COL21A1: variants seen among roughly 807,000 people sequenced by gnomAD.
COL21A1 encodes the protein collagen alpha-1(XXI) chain.
Under a neutral mutation model 137.9 loss-of-function variants are expected in COL21A1, and 149 were observed. The ratio of observed to expected loss-of-function variants is 1.08; its 90% CI spans 0.95 to 1.24. COL21A1 has a LOEUF of 1.24. COL21A1 is among the 50% of genes most tolerant of loss of function. The pLI is 0.00. For missense variants in COL21A1, 1,167 were observed against 1,158.4 expected (o/e 1.01, Z -0.11); for synonymous variants, 456 against 391.5 (o/e 1.16, Z -1.95).
intron 1 of COL21A1, among the ~76,000 whole-genome samples, chr6:56,336,982 A>G (rs1203044512): frequency 1.3e-5 from 2 of 152,194 alleles, no homozygotes; most frequent in African/African-American, 2.4e-5. Flanking sequence ...TCACATTTAA[A>G]TGTCCACAAA....
intron 1 of COL21A1, among the ~76,000 whole-genome samples, chr6:56,288,410 C>A (rs560127455): frequency 6.6e-6 from 1 of 151,860 alleles, no homozygotes; most frequent in African/African-American, 2.4e-5. Context: ...ACAATTATAG[C>A]GAAATCATAA....
At chr6:56,073,943 T>C (rs866166917) in intron 20 of COL21A1, among the ~76,000 whole-genome samples, 1 of 151,124 alleles carries the variant, frequency 6.6e-6, no homozygotes, top group Non-Finnish European at 1.5e-5. Context: ...CACTGAGCTC[T>C]ATAGAGCTCT....
At chr6:56,134,027 G>GTCCC (rs1384841655) in intron 12 of COL21A1, among the ~76,000 whole-genome samples, 1 of 152,202 alleles carries the variant, frequency 6.6e-6, no homozygotes, top group African/African-American at 2.4e-5. Flanking sequence ...CCCTACTGGG[G>GTCCC]TACTGCCTAG....
intron 1 of COL21A1, among the ~76,000 whole-genome samples, chr6:56,347,635 G>A (rs1543350): frequency 0.7 from 107,017 of 151,874 alleles, 38,062 homozygotes; most frequent in East Asian, 0.93. Context: ...AGCCTCCCCA[G>A]GTAATTCTGA....
chr6:56,314,206 A>G (rs964430442), intron 1 of COL21A1, among the ~76,000 whole-genome samples: 2 of 152,096 alleles, frequency 1.3e-5, no homozygotes, highest in Non-Finnish European at 2.9e-5. Context: ...GATGATCTCC[A>G]TCTCCTGAGC....
In COL21A1 at chr6:56,060,897, C is replaced by T; in HGVS notation, c.2346G>A (p.Gly782=). 1 of 1,577,574 alleles carries T rather than the reference C, an allele frequency of 6.3e-7. No homozygotes were observed. The highest frequency in any genetic ancestry group is 8.6e-7 in the Non-Finnish European group (1 of 1,167,762). The change falls in exon 26 of 30, where the codon GGG becomes GGA. Residue 782 remains glycine, a synonymous_variant. Coordinates refer to ENST00000244728, the MANE Select transcript of COL21A1 (RefSeq NM_030820.4). The part of the protein sequence containing the change: ...PGPQGPPGLD[G]KPGREFSEQF... ...AAAGAAGCAGAATACATACGGGCTTCCCATCCAAACCTGGGGGTCCCTGAG... is the reference window on the plus strand; with the variant it reads ...AAAGAAGCAGAATACATACGGGCTTTCCATCCAAACCTGGGGGTCCCTGAG...
At chr6:56,297,747 A>G (rs2152336680) in intron 1 of COL21A1, among the ~76,000 whole-genome samples, 1 of 152,238 alleles carries the variant, frequency 6.6e-6, no homozygotes, top group African/African-American at 2.4e-5. Context: ...TACACAATGA[A>G]GTTATGGTTC....
At chr6:56,339,386 C>G (rs1429135437) in intron 1 of COL21A1, among the ~76,000 whole-genome samples, 3 of 152,132 alleles carry the variant, frequency 2.0e-5, no homozygotes, top group African/African-American at 7.2e-5. Flanking sequence ...AGTAGTACTA[C>G]CCTTATTATT....
chr6:56,157,895 A>G (rs1477132302), intron 9 of COL21A1, among the ~76,000 whole-genome samples: 1 of 152,154 alleles, frequency 6.6e-6, no homozygotes, highest in Non-Finnish European at 1.5e-5. Context: ...TTAAATGAAG[A>G]AAAAAAACTT....
In COL21A1 at chr6:56,144,994, C is replaced by G. The variant is rs540142890; in HGVS notation, c.1435-3011G>C. Among the ~76,000 whole-genome samples the G allele has an allele frequency of 2.6e-5, 4 of 152,302 alleles. No homozygotes were observed. In the South Asian group the frequency reaches 6.2e-4, roughly 24 times the overall value. On this transcript the variant is annotated intron_variant, in intron 10 of 29. Coordinates refer to ENST00000244728, the MANE Select transcript of COL21A1 (RefSeq NM_030820.4). ...TGAAGATTCTGGCAGGTGTTAGGAA[C>G]TCAATAAATGTGCGTTTCTTTCTTT...
chr6:56,154,496 T>C (rs557813879), intron 10 of COL21A1, among the ~76,000 whole-genome samples: 1 of 152,148 alleles, frequency 6.6e-6, no homozygotes, highest in Non-Finnish European at 1.5e-5. Context: ...TCCTTTCATA[T>C]CCTATATCTA....
At chr6:56,332,947 T>G (rs995297588) in intron 1 of COL21A1, among the ~76,000 whole-genome samples, 2 of 152,086 alleles carry the variant, frequency 1.3e-5, no homozygotes, top group African/African-American at 2.4e-5. Context: ...TACTCAATAT[T>G]TTACCAACTT....
chr6:56,373,073 C>T (rs938289931), intron 1 of COL21A1, among the ~76,000 whole-genome samples: 3 of 151,912 alleles, frequency 2.0e-5, no homozygotes, highest in Admixed American at 6.6e-5. Flanking sequence ...TTGGGGGCAA[C>T]AGCAGCAGCT....
chr6:56,149,087 A>C (rs995775774), intron 10 of COL21A1, among the ~76,000 whole-genome samples: 3 of 152,232 alleles, frequency 2.0e-5, no homozygotes, highest in African/African-American at 7.2e-5. Context: ...ATAACATCTC[A>C]AAGACAAGTA....
At chr6:56,387,142 G>A (rs1053846312) in intron 1 of COL21A1, among the ~76,000 whole-genome samples, 3 of 152,198 alleles carry the variant, frequency 2.0e-5, no homozygotes, top group African/African-American at 7.2e-5. Flanking sequence ...AGGGACAGCT[G>A]AGACAGGACA....
At chr6:56,212,987 C>A (rs1387821495) in intron 1 of COL21A1, among the ~76,000 whole-genome samples, 1 of 152,022 alleles carries the variant, frequency 6.6e-6, no homozygotes, top group East Asian at 1.9e-4. Flanking sequence ...ATTCTGCCAT[C>A]ATATGAATTT....
At chr6:56,266,506 A>G (rs949199204) in intron 1 of COL21A1, among the ~76,000 whole-genome samples, 1 of 152,254 alleles carries the variant, frequency 6.6e-6, no homozygotes, top group Non-Finnish European at 1.5e-5. Flanking sequence ...TATGAGCAAC[A>G]AAGCTTAAAA....
intron 17 of COL21A1, among the ~76,000 whole-genome samples, chr6:56,085,177 T>G (rs949360563): frequency 3.9e-5 from 6 of 152,020 alleles, no homozygotes; most frequent in African/African-American, 1.2e-4. Flanking sequence ...TTGTTACTTT[T>G]GTCTATTACA....
At chr6:56,169,308 CAT>C (rs1418437177) in intron 5 of COL21A1, among the ~76,000 whole-genome samples, 1 of 151,840 alleles carries the variant, frequency 6.6e-6, no homozygotes, top group Non-Finnish European at 1.5e-5. Flanking sequence ...GGAGATGTTC[CAT>C]CTTATTAATT....
Sources: gnomAD v4.1 joint callset for allele counts (sites outside exome capture counted in the v4.1 genomes callset) on GRCh38, gnomAD v4.1.1 for gene constraint, MANE v1.5 for transcripts, NCBI Gene and HGNC (gene_info 2026-07-23, HGNC 2026-07-21) for gene names.